The following CSMD1 variants were observed in gnomAD, a reference collection of about 807,000 sequenced individuals.
CSMD1 encodes the protein CUB and sushi domain-containing protein 1.
A neutral mutation model predicts 417.5 loss-of-function variants in CSMD1; 213 were observed. The observed-to-expected ratio is 0.51, with a 90% CI of 0.46 to 0.57. The LOEUF (loss-of-function observed/expected upper bound fraction) is 0.57, where lower values mean the gene tolerates loss of function less well. Ranked by LOEUF, CSMD1 falls within the 20% of genes least tolerant of loss-of-function variation. The pLI, the probability that CSMD1 is intolerant of heterozygous loss-of-function variation, is 0.00. For synonymous variants in CSMD1, 2,862 were observed against 1,736.8 expected (o/e 1.65, Z -16.11); for missense variants, 6,923 against 4,529.7 (o/e 1.53, Z -15.17).
intron 7 of CSMD1, among the ~76,000 whole-genome samples, chr8:3,670,520 T>C (rs1445086787): frequency 9.8e-5 from 14 of 143,462 alleles, no homozygotes; most frequent in Non-Finnish European, 1.5e-4. Flanking sequence ...ATATATATCC[T>C]ATATACATAT....
intron 3 of CSMD1, among the ~76,000 whole-genome samples, chr8:4,042,928 C>T (rs1001258312): frequency 6.7e-6 from 1 of 149,554 alleles, no homozygotes; most frequent in East Asian, 2.0e-4. Flanking sequence ...GAGTTCAAGA[C>T]CAGTCTGGCC....
chr8:4,203,945 AC>A (rs1460143680), intron 3 of CSMD1, among the ~76,000 whole-genome samples: 3 of 152,046 alleles, frequency 2.0e-5, no homozygotes, highest in African/African-American at 7.2e-5. Context: ...TACAAAAAAT[AC>A]AAAAATTAGC....
At chr8:4,216,570 T>G (rs1453057241) in intron 3 of CSMD1, among the ~76,000 whole-genome samples, 1 of 152,178 alleles carries the variant, frequency 6.6e-6, no homozygotes, top group Non-Finnish European at 1.5e-5. Context: ...CTGCTGCCAC[T>G]GCCAACGGAG....
intron 7 of CSMD1, among the ~76,000 whole-genome samples, chr8:3,705,170 A>C (rs964859867): frequency 2.0e-5 from 3 of 152,186 alleles, no homozygotes; most frequent in Admixed American, 2.0e-4. Context: ...TGGCAGGGGA[A>C]GGAGTCGCCA....
chr8:3,471,101 C>A (rs1179397758), intron 11 of CSMD1, among the ~76,000 whole-genome samples: 5 of 152,136 alleles, frequency 3.3e-5, no homozygotes, highest in African/African-American at 1.2e-4. Context: ...CAAATTTTTC[C>A]CCAGACTGTT....
chr8:4,328,235 C>G (rs921851373), intron 3 of CSMD1, among the ~76,000 whole-genome samples: 3 of 138,230 alleles, frequency 2.2e-5, no homozygotes, highest in Admixed American at 7.3e-5. Flanking sequence ...ACATTGCACT[C>G]AATACAATTT....
intron 3 of CSMD1, among the ~76,000 whole-genome samples, chr8:4,348,312 T>C (rs1800893394): frequency 6.6e-6 from 1 of 151,906 alleles, no homozygotes; most frequent in South Asian, 2.1e-4. Flanking sequence ...GTGGATGCCT[T>C]TGTAAGAGTG....
chr8:4,801,220 T>C (rs1001091958), intron 1 of CSMD1, among the ~76,000 whole-genome samples: 7 of 152,224 alleles, frequency 4.6e-5, no homozygotes, highest in African/African-American at 1.7e-4. Context: ...CTAAATCTTA[T>C]TGCGGCCACC....
At chr8:4,301,461 A>T (rs1228911067) in intron 3 of CSMD1, among the ~76,000 whole-genome samples, 1 of 152,172 alleles carries the variant, frequency 6.6e-6, no homozygotes, top group African/African-American at 2.4e-5. Flanking sequence ...CAGAGACCAG[A>T]GTGGTCCAGG....
At chr8:4,162,896 T>TC (rs1319200825) in intron 3 of CSMD1, among the ~76,000 whole-genome samples, 1 of 152,174 alleles carries the variant, frequency 6.6e-6, no homozygotes. Flanking sequence ...CCTGTTGATT[T>TC]CCCCTTCCTC....
intron 1 of CSMD1, among the ~76,000 whole-genome samples, chr8:4,981,174 GAA>G (rs10612204): frequency 0.66 from 100,527 of 151,812 alleles, 34,537 homozygotes; most frequent in African/African-American, 0.83. Context: ...ACGTTCAACT[GAA>G]AACGCTTTAC....
intron 1 of CSMD1, among the ~76,000 whole-genome samples, chr8:4,791,504 A>G (rs551220431): frequency 1.3e-5 from 2 of 152,298 alleles, no homozygotes; most frequent in South Asian, 4.1e-4. Context: ...GGAGTAACAA[A>G]CAATCCAATC....
intron 2 of CSMD1, among the ~76,000 whole-genome samples, chr8:4,452,396 G>C (rs978399445): frequency 2.0e-5 from 3 of 152,172 alleles, no homozygotes; most frequent in Admixed American, 1.3e-4. Flanking sequence ...GAGGGCTTGG[G>C]GTTCAGAGGT....
Position 3,028,755 on chromosome 8 carries a change from T to C in CSMD1, c.7855+564A>G, listed in dbSNP as rs528756300. Among the ~76,000 whole-genome samples, 11 of 152,328 alleles carry C rather than the reference T, an allele frequency of 7.2e-5. No individual in the cohort carries two copies. The South Asian group carries it at 2.3e-3, about 32-fold the overall frequency. On this transcript the variant is annotated intron_variant, in intron 51 of 69. Coordinates refer to ENST00000635120, the MANE Select transcript of CSMD1 (RefSeq NM_033225.6). ...TCTACTTGTTTTTATGCATGATAAT[T>C]TTCTGTGAACAATCAAGTAAAGATT...
chr8:4,877,614 A>G (rs1278906922), intron 1 of CSMD1, among the ~76,000 whole-genome samples: 1 of 152,004 alleles, frequency 6.6e-6, no homozygotes, highest in Non-Finnish European at 1.5e-5. Flanking sequence ...CACTTTCCTA[A>G]TTTCCTAATC....
intron 10 of CSMD1, among the ~76,000 whole-genome samples, chr8:3,553,084 C>A (rs1420236800): frequency 6.7e-6 from 1 of 148,740 alleles, no homozygotes; most frequent in Non-Finnish European, 1.5e-5. Flanking sequence ...TTCTTAAAAC[C>A]AATCAACCAA....
At chr8:3,712,138 G>A (rs935375298) in intron 6 of CSMD1, among the ~76,000 whole-genome samples, 1 of 140,318 alleles carries the variant, frequency 7.1e-6, no homozygotes, top group Non-Finnish European at 1.6e-5. Context: ...CTGCTCTCCT[G>A]AGTTGTAATT....
rs1802610943 is a variant in CSMD1 at position 2,951,267 on chromosome 8, C to A, written c.10048G>T (p.Asp3350Tyr). 1.9e-6 allele frequency: 3 copies of A among 1,602,610 alleles called. No homozygotes were observed. Among genetic ancestry groups the A allele is most frequent in the Non-Finnish European group, 1.7e-6 (2 of 1,174,050 alleles). The change falls in exon 66 of 70, where the codon GAT becomes TAT. Residue 3350 changes from aspartate (D) to tyrosine (Y), a missense_variant. By Grantham distance (160) the Asp-to-Tyr change is radical. Transcript: ENST00000635120. ...ETVTKTPVPSDVFFVNSLWKG... is the reference protein window; with the variant it reads ...ETVTKTPVPSYVFFVNSLWKG... ...CACAGTGAATTGACGAAAAAGACATCTGAAGGAACTGTGGGAAGGGGGGAA... is the reference window on the plus strand; with the variant it reads ...CACAGTGAATTGACGAAAAAGACATATGAAGGAACTGTGGGAAGGGGGGAA...
chr8:3,585,525 C>G (rs897776354), intron 9 of CSMD1, among the ~76,000 whole-genome samples: 13 of 152,008 alleles, frequency 8.6e-5, no homozygotes, highest in African/African-American at 2.7e-4. Flanking sequence ...AATATGATTT[C>G]TGTAATTCTG....
Sources: gnomAD v4.1 joint callset for allele counts (sites outside exome capture counted in the v4.1 genomes callset) on GRCh38, gnomAD v4.1.1 for gene constraint, MANE v1.5 for transcripts, NCBI Gene and HGNC (gene_info 2026-07-23, HGNC 2026-07-21) for gene names.